TM6SF1: variants seen among roughly 807,000 people sequenced by gnomAD.
TM6SF1 encodes transmembrane 6 superfamily member 1.
In TM6SF1, 43 loss-of-function variants were observed where a neutral mutation model predicts 47.1. That is an observed-to-expected ratio of 0.91 (90% confidence interval 0.72 to 1.18). TM6SF1 has a LOEUF of 1.18. Ranked by LOEUF, TM6SF1 falls within the 50% of genes most tolerant of loss-of-function variation. TM6SF1 has a pLI of 0.00. For synonymous variants in TM6SF1, 177 were observed against 166.3 expected, an observed-to-expected ratio of 1.06 and a Z score of -0.49; for missense variants, 390 against 449.0, an observed-to-expected ratio of 0.87 and a Z score of 1.19.
chr15:83,129,219 T>C (rs1351723531), intron 9 of TM6SF1: 1 of 152,240 alleles, frequency 6.6e-6, no homozygotes, highest in Non-Finnish European at 1.5e-5. Context: ...TCTCATTACC[T>C]TACTTCATGC....
intron 9 of TM6SF1, 175 bp downstream of exon 9, chr15:83,127,652 A>C: frequency 2.5e-5 from 16 of 632,396 alleles, no homozygotes; most frequent in East Asian, 3.0e-5. Flanking sequence ...TTTCAATCTC[A>C]CAATAACTAT....
At chr15:83,127,311 A>C (rs768285886) in intron 8 of TM6SF1, 47 bp from the exon 9 acceptor site, 34 of 1,531,292 alleles carry the variant, frequency 2.2e-5, no homozygotes, top group Non-Finnish European at 3.0e-5. Context: ...AGTCAGGCCA[A>C]GTTAACTGCC....
chr15:83,126,180 C>A (rs1389581544), intron 7 of TM6SF1, among the ~76,000 whole-genome samples: 1 of 151,922 alleles, frequency 6.6e-6, no homozygotes, highest in Admixed American at 6.6e-5. Context: ...CTAGGTGGGA[C>A]AACATTTATG....
At chr15:83,112,311 GTCTT>G (rs760427511) in intron 1 of TM6SF1, among the ~76,000 whole-genome samples, 4 of 152,128 alleles carry the variant, frequency 2.6e-5, no homozygotes, top group Non-Finnish European at 4.4e-5. Flanking sequence ...ATAACATAAG[GTCTT>G]TCTTGTCCCC....
intron 9 of TM6SF1, chr15:83,132,662 G>A (rs951656296): frequency 1.1e-4 from 16 of 152,090 alleles, no homozygotes; most frequent in Admixed American, 9.2e-4. Context: ...CCAAAGTGCT[G>A]GGATTATAGG....
chr15:83,128,638 A>G (rs2035979747), intron 9 of TM6SF1: 1 of 152,102 alleles, frequency 6.6e-6, no homozygotes, highest in African/African-American at 2.4e-5. Context: ...TTCCAAACTC[A>G]GTCTTTTTAC....
chr15:83,123,916 AT>A (rs1388218007), intron 6 of TM6SF1, among the ~76,000 whole-genome samples: 3 of 152,206 alleles, frequency 2.0e-5, no homozygotes, highest in African/African-American at 7.2e-5. Context: ...TAAATTCAGA[AT>A]TGCTCTGCAA....
In TM6SF1 at chr15:83,127,830, C is replaced by T. The variant is rs535484733; in HGVS notation, c.921+353C>T. 1.1e-5 allele frequency: 3 copies of T among 262,234 alleles called. No individual in the cohort carries two copies. The Admixed American group carries it at 1.8e-4, about 15-fold the overall frequency. The allele number at this position is 262,234 out of a possible 1,614,324, so 16.2% of individuals were successfully genotyped here. On this transcript the variant is annotated intron_variant, in intron 9 of 9. Coordinates refer to ENST00000322019, the MANE Select transcript of TM6SF1 (RefSeq NM_023003.5). ...ACTAAAAAAGGATTGAGAGCTGTCACCTTCAAAATGTCCATCCAAATTTAA... is the reference window on the plus strand; with the variant it reads ...ACTAAAAAAGGATTGAGAGCTGTCATCTTCAAAATGTCCATCCAAATTTAA...
intron 1 of TM6SF1, among the ~76,000 whole-genome samples, chr15:83,108,737 A>C (rs1240302183): frequency 1.3e-5 from 2 of 152,184 alleles, no homozygotes; most frequent in African/African-American, 4.8e-5. Flanking sequence ...ATCAGTCTGT[A>C]GGCTGCAAAC....
At chr15:83,110,471 C>G (rs141767193) in intron 1 of TM6SF1, among the ~76,000 whole-genome samples, 122 of 152,292 alleles carry the variant, frequency 8.0e-4, no homozygotes, top group Non-Finnish European at 1.6e-3. Flanking sequence ...CTTCATTCTT[C>G]CCTCCTCTCC....
At chr15:83,124,923 G>A (rs1482576876) in intron 7 of TM6SF1, 147 bp downstream of exon 7, 8 of 687,806 alleles carry the variant, frequency 1.2e-5, no homozygotes, top group Non-Finnish European at 1.9e-5. Context: ...TGGAGCCCTG[G>A]ACCTGCTTCC....
chr15:83,112,882 C>T lies in TM6SF1; in HGVS notation c.178C>T (p.Arg60Trp), dbSNP rs371581703. 6.5e-5 allele frequency: 105 copies of T among 1,613,716 alleles called. No homozygotes were observed. Among genetic ancestry groups the T allele is most frequent in the Middle Eastern group, 1.6e-4 (1 of 6,084 alleles). The change falls in exon 2 of 10, where the codon CGG (arginine) becomes TGG (tryptophan). Residue 60 changes from arginine to tryptophan, a missense_variant. Coordinates refer to ENST00000322019, the MANE Select transcript of TM6SF1 (RefSeq NM_023003.5). ...TGTCCTCGTCAAAAGAAAACCACCCCGGGACCCACTGTTCTATGGTACGTC... is the reference window on the plus strand; with the variant it reads ...TGTCCTCGTCAAAAGAAAACCACCCTGGGACCCACTGTTCTATGGTACGTC... ...ARVLVKRKPP[R>W]DPLFYVYAVF... is the part of the protein sequence containing the mutation.
In TM6SF1 at chr15:83,136,917, C is replaced by T. The variant is rs1382477821; in HGVS notation, c.*245C>T. The T allele has an allele frequency of 3.2e-6, 1 of 312,282 alleles. No individual in the cohort carries two copies. Among genetic ancestry groups the T allele is most frequent in the Non-Finnish European group, 5.9e-6 (1 of 170,140 alleles). The allele number at this position is 312,282 out of a possible 1,614,324, so 19.3% of individuals were successfully genotyped here. A position where few individuals can be genotyped will look rare whatever the true frequency, so the allele number is the denominator to read the frequency against. On this transcript the variant is annotated 3_prime_UTR_variant, in exon 10 of 10. Transcript: ENST00000322019. The stretch of plus-strand genomic sequence containing the variant: ...TCATTTGTGAATAAACTTGATCATC[C>T]ATCTCAATATTGTTTGACATATAAA...
intron 3 of TM6SF1, among the ~76,000 whole-genome samples, chr15:83,118,022 A>G (rs957537418): frequency 7.2e-5 from 11 of 152,184 alleles, no homozygotes; most frequent in African/African-American, 2.7e-4. Context: ...TGAAAAAATG[A>G]CCATGTGGTT....
intron 6 of TM6SF1, among the ~76,000 whole-genome samples, chr15:83,124,188 G>A (rs183061452): frequency 1.0e-3 from 159 of 152,170 alleles, no homozygotes; most frequent in Non-Finnish European, 1.8e-3. Flanking sequence ...CAGATGTTGA[G>A]AGCAAAAAGA....
intron 4 of TM6SF1, 54 bp downstream of exon 4, chr15:83,119,735 G>T: frequency 1.9e-6 from 3 of 1,610,628 alleles, no homozygotes; most frequent in South Asian, 2.2e-5. Context: ...CGATAAGCGG[G>T]TATGTAAGGA....
intron 3 of TM6SF1, among the ~76,000 whole-genome samples, chr15:83,118,739 T>C (rs962388158): frequency 3.9e-5 from 6 of 152,012 alleles, no homozygotes; most frequent in African/African-American, 1.5e-4. Context: ...CAGGACAGCA[T>C]GAACGTGGGA....
rs750866101 is a variant in TM6SF1 at position 83,136,629 on chromosome 15, CAG to C, written c.1073_1074del (p.Glu358ValfsTer23). 6 of 1,606,484 alleles carry C rather than the reference CAG, an allele frequency of 3.7e-6. No individual in the cohort carries two copies. Among genetic ancestry groups the C allele is most frequent in the Non-Finnish European group, 5.1e-6 (6 of 1,178,060 alleles). ...TTGGCCTATCGTTGTATCTACAAACCAGAGTTCTTCATAAAAACAAAGGCAGA... is the reference window on the plus strand; with the variant it reads ...TTGGCCTATCGTTGTATCTACAAACCAGTTCTTCATAAAAACAAAGGCAGA... On this transcript the variant is annotated frameshift_variant, in exon 10 of 10. Coordinates refer to ENST00000322019, the MANE Select transcript of TM6SF1 (RefSeq NM_023003.5). LOFTEE classifies it high-confidence loss of function.
In TM6SF1 at chr15:83,110,297, A is replaced by G. The variant is rs139938139; in HGVS notation, c.93-2500A>G. Among the ~76,000 whole-genome samples, 72 of 151,864 alleles carry G rather than the reference A, an allele frequency of 4.7e-4. No homozygotes were observed. In the South Asian group the frequency reaches 5.0e-3, roughly 11 times the overall value. ...TCAGCAGCCCTTCCCACCCCCCAAG[A>G]CTAGCAACTTTCTCATCCTGGGGTT... On this transcript the variant is annotated intron_variant, in intron 1 of 9. Coordinates refer to ENST00000322019, the MANE Select transcript of TM6SF1 (RefSeq NM_023003.5).
Sources: allele counts gnomAD v4.1 joint callset (sites outside exome capture counted in the v4.1 genomes callset), GRCh38; gene constraint gnomAD v4.1.1; transcripts MANE v1.5; gene names NCBI Gene and HGNC (gene_info 2026-07-23, HGNC 2026-07-21).